CTNNA3: variants seen among roughly 807,000 people sequenced by gnomAD.
The protein encoded by CTNNA3 is catenin alpha 3.
Under a neutral mutation model 95.7 loss-of-function variants are expected in CTNNA3, and 76 were observed. The ratio of observed to expected loss-of-function variants is 0.79; its 90% confidence interval spans 0.66 to 0.96. The LOEUF (loss-of-function observed/expected upper bound fraction) is 0.96. CTNNA3 is among the 40% of genes least tolerant of loss of function. The pLI is 0.00. For missense variants in CTNNA3, 1,191 were observed against 1,089.8 expected (o/e 1.09, Z -1.31); for synonymous variants, 431 against 374.4 (o/e 1.15, Z -1.74).
At chr10:66,124,542 C>T in intron 13 of CTNNA3, among the ~76,000 whole-genome samples, 1 of 152,188 alleles carries the variant, frequency 6.6e-6, no homozygotes, top group East Asian at 1.9e-4. Context: ...TTTTCAGCAG[C>T]ACCCCACTGT....
intron 5 of CTNNA3, among the ~76,000 whole-genome samples, chr10:67,321,674 C>T (rs1841324424): frequency 6.6e-6 from 1 of 152,162 alleles, no homozygotes; most frequent in Non-Finnish European, 1.5e-5. Flanking sequence ...GCTGCCATAA[C>T]TTTAAATATC....
intron 5 of CTNNA3, among the ~76,000 whole-genome samples, chr10:67,482,518 A>ATGGGAG (rs1848274331): frequency 6.6e-6 from 1 of 152,048 alleles, no homozygotes; most frequent in African/African-American, 2.4e-5. Flanking sequence ...GCAATTGTGA[A>ATGGGAG]TGGGAGTTCA....
At chr10:67,332,843 C>T (rs1225141405) in intron 5 of CTNNA3, among the ~76,000 whole-genome samples, 1 of 152,154 alleles carries the variant, frequency 6.6e-6, no homozygotes, top group African/African-American at 2.4e-5. Flanking sequence ...ACACTCACCT[C>T]TGAAAGATTT....
chr10:67,159,403 T>C (rs942009147), intron 7 of CTNNA3, among the ~76,000 whole-genome samples: 5 of 152,180 alleles, frequency 3.3e-5, no homozygotes, highest in African/African-American at 7.2e-5. Flanking sequence ...AAAGGAATCA[T>C]ACTTCTGGAT....
At chr10:66,767,322 T>C (rs1045646706) in intron 8 of CTNNA3, among the ~76,000 whole-genome samples, 3 of 151,904 alleles carry the variant, frequency 2.0e-5, no homozygotes, top group Admixed American at 2.0e-4. Flanking sequence ...GGCAGGCACC[T>C]GTACTCCCAG....
chr10:66,827,666 T>C (rs4300299), intron 7 of CTNNA3, among the ~76,000 whole-genome samples: 22,313 of 152,168 alleles, frequency 0.15, 2,790 homozygotes, highest in African/African-American at 0.35. Flanking sequence ...GAGAGTTACA[T>C]AAAAATGATG....
At chr10:66,003,793 C>T (rs3858133) in intron 15 of CTNNA3, among the ~76,000 whole-genome samples, 146,006 of 152,256 alleles carry the variant, frequency 0.96, 70,142 homozygotes, top group East Asian at 1. Context: ...GTGCTTACAA[C>T]GTTCCAGGCA....
At chr10:66,641,641 A>G (rs1379979174) in intron 9 of CTNNA3, among the ~76,000 whole-genome samples, 1 of 152,140 alleles carries the variant, frequency 6.6e-6, no homozygotes, top group South Asian at 2.1e-4. Context: ...ATATGTGCTT[A>G]CTGCTCTTTT....
chr10:66,245,197 C>T (rs1368632352), intron 13 of CTNNA3, among the ~76,000 whole-genome samples: 1 of 152,216 alleles, frequency 6.6e-6, no homozygotes, highest in Non-Finnish European at 1.5e-5. Flanking sequence ...CAGACAGCTA[C>T]AGGTGCTGGC....
intron 11 of CTNNA3, among the ~76,000 whole-genome samples, chr10:66,456,481 G>C (rs2093495836): frequency 6.6e-6 from 1 of 152,076 alleles, no homozygotes; most frequent in Admixed American, 6.6e-5. Flanking sequence ...TGGAGTTTGA[G>C]ACCAGCCTGG....
At chr10:67,349,776 A>C (rs1244093676) in intron 5 of CTNNA3, among the ~76,000 whole-genome samples, 1 of 152,178 alleles carries the variant, frequency 6.6e-6, no homozygotes, top group Non-Finnish European at 1.5e-5. Context: ...ATTCCAGGTT[A>C]TCTTCCAGTA....
intron 11 of CTNNA3, among the ~76,000 whole-genome samples, chr10:66,416,925 C>T (rs2093151236): frequency 1.3e-5 from 2 of 152,020 alleles, no homozygotes; most frequent in South Asian, 4.2e-4. Context: ...AATACTATCC[C>T]TACAGATAAC....
chr10:67,645,692 T>C (rs1415519817), intron 2 of CTNNA3, among the ~76,000 whole-genome samples: 1 of 151,798 alleles, frequency 6.6e-6, no homozygotes, highest in Admixed American at 6.6e-5. Flanking sequence ...AAAATGTATA[T>C]ACAAAGATGT....
At chr10:66,409,835 C>G (rs1213782626) in intron 11 of CTNNA3, among the ~76,000 whole-genome samples, 1 of 152,158 alleles carries the variant, frequency 6.6e-6, no homozygotes, top group Non-Finnish European at 1.5e-5. Flanking sequence ...AAGGTACAAT[C>G]AGGGACCTTC....
intron 5 of CTNNA3, among the ~76,000 whole-genome samples, chr10:67,406,958 G>A (rs932193238): frequency 1.9e-4 from 29 of 152,104 alleles, no homozygotes; most frequent in Admixed American, 1.4e-3. Context: ...CCCATAACCA[G>A]ATGGATTCAC....
chr10:66,432,336 G>A lies in CTNNA3; in HGVS notation c.1532-52984C>T, dbSNP rs753648491. 3.4e-4 allele frequency among the ~76,000 whole-genome samples: 52 copies of A among 152,010 alleles called. 1 individual carries two copies. Among genetic ancestry groups the A allele is most frequent in the Non-Finnish European group, 2.2e-4 (15 of 68,018 alleles). On this transcript the variant is annotated intron_variant, in intron 11 of 17. Transcript: ENST00000433211. ...TATTATGGCACTAAAACAGCGATAC[G>A]CATTTTTTAAAATTATTATTATACT...
rs183928434 is a variant in CTNNA3 at position 66,281,268 on chromosome 10, T to A, written c.1733-647A>T. Among the ~76,000 whole-genome samples, 275 of 151,978 alleles carry A rather than the reference T, an allele frequency of 1.8e-3. 2 individuals are homozygous for A. The highest frequency in any genetic ancestry group is 6.5e-3 in the African/African-American group (269 of 41,496). On this transcript the variant is annotated intron_variant, in intron 12 of 17. Transcript: ENST00000433211. ...TTCTATCAGTAAGCCAATCCATGGATTATCTTTTTAAATTAAGGCTTCAAA... is the reference window on the plus strand; with the variant it reads ...TTCTATCAGTAAGCCAATCCATGGAATATCTTTTTAAATTAAGGCTTCAAA...
At chr10:66,797,524 T>C (rs1466853521) in intron 7 of CTNNA3, among the ~76,000 whole-genome samples, 2 of 152,058 alleles carry the variant, frequency 1.3e-5, no homozygotes, top group Non-Finnish European at 2.9e-5. Flanking sequence ...AATGTCCCTT[T>C]TTCTGTTCCT....
In CTNNA3 at chr10:66,745,629, G is replaced by A. The variant is rs957828274; in HGVS notation, c.1281+20635C>T. Among the ~76,000 whole-genome samples the A allele has an allele frequency of 8.5e-5, 11 of 129,396 alleles. No homozygotes were observed. The East Asian group carries it at 9.2e-4, about 11-fold the overall frequency. The allele number at this position is 129,396 out of a possible 152,430, so 84.9% of individuals were successfully genotyped here. A position where few individuals can be genotyped will look rare whatever the true frequency, so the allele number is the denominator to read the frequency against. The stretch of plus-strand genomic sequence containing the variant: ...TTTTGAGACAGAGTCTCACTGTGTC[G>A]CCCAGGCTGGAGTGCAGTGGTGTGA... On this transcript the variant is annotated intron_variant, in intron 9 of 17. Coordinates refer to ENST00000433211, the MANE Select transcript of CTNNA3 (RefSeq NM_013266.4).
Sources: allele counts gnomAD v4.1 joint callset (sites outside exome capture counted in the v4.1 genomes callset), GRCh38; gene constraint gnomAD v4.1.1; transcripts MANE v1.5; gene names NCBI Gene and HGNC (gene_info 2026-07-23, HGNC 2026-07-21).